The following CERT1 variants were observed in gnomAD, a reference collection of about 807,000 sequenced individuals.
CERT1 encodes ceramide transfer protein.
Under a neutral mutation model 87.9 loss-of-function variants are expected in CERT1, and 31 were observed. The observed-to-expected ratio is 0.35, with a 90% CI of 0.27 to 0.48. CERT1 has a LOEUF of 0.48. Ranked by LOEUF, CERT1 falls within the 20% of genes least tolerant of loss-of-function variation. CERT1 has a pLI of 0.99. For synonymous variants in CERT1, 289 were observed against 250.9 expected, an observed-to-expected ratio of 1.15 and a Z score of -1.44; for missense variants, 487 against 758.0, an observed-to-expected ratio of 0.64 and a Z score of 4.20.
At chr5:75,376,758 C>CT (rs1201480898), downstream of CERT1, 1 of 152,094 alleles carries the variant, frequency 6.6e-6, no homozygotes, top group East Asian at 1.9e-4. Context: ...TTCAAATACC[C>CT]TTTTTCCTGG....
chr5:75,478,549 T>C (rs896975148), intron 2 of CERT1, among the ~76,000 whole-genome samples: 1 of 152,088 alleles, frequency 6.6e-6, no homozygotes, highest in African/African-American at 2.4e-5. Flanking sequence ...TAGATTCCTC[T>C]GAAGCTATAA....
intron 2 of CERT1, 47 bp downstream of exon 2, chr5:75,505,934 GC>G: frequency 6.8e-7 from 1 of 1,479,578 alleles, no homozygotes. Flanking sequence ...CTGGTATGTA[GC>G]TGACACTCAA....
rs983263105 is a variant in CERT1 at position 75,425,267 on chromosome 5, C to T, written c.595+94G>A. 16 of 1,243,202 alleles carry T rather than the reference C, an allele frequency of 1.3e-5. No individual in the cohort carries two copies. The East Asian group carries it at 3.4e-4, about 26-fold the overall frequency. 77.0% of individuals were successfully genotyped at this position (1,243,202 alleles called of 1,614,324 possible). On this transcript the variant is annotated intron_variant, in intron 5 of 16. Coordinates refer to ENST00000643780, the MANE Select transcript of CERT1 (RefSeq NM_001379029.1). ...GTTTGCAGCAAAAAATGACTATAAA[C>T]ACCTTTATCACTTAAAGACATTACC...
At chr5:75,475,746 G>A (rs942941886) in intron 2 of CERT1, among the ~76,000 whole-genome samples, 1 of 151,358 alleles carries the variant, frequency 6.6e-6, no homozygotes, top group Non-Finnish European at 1.5e-5. Flanking sequence ...CTTGGAATCA[G>A]TATATTCATA....
chr5:75,478,823 G>C (rs192023692), intron 2 of CERT1, among the ~76,000 whole-genome samples: 98 of 146,154 alleles, frequency 6.7e-4, no homozygotes, highest in Non-Finnish European at 6.5e-4. Context: ...AGCAAGCAAG[G>C]CTCCTCAGAG....
In CERT1 at chr5:75,430,981, C is replaced by G. The variant is rs570232468; in HGVS notation, c.349-4503G>C. ...CCTTGCATCCAGAAGTTCGAGATAG[C>G]ACTGAGCTAGGATTGTGCCACTGTA... On this transcript the variant is annotated intron_variant, in intron 3 of 16. Coordinates refer to ENST00000643780, the MANE Select transcript of CERT1 (RefSeq NM_001379029.1). Among the ~76,000 whole-genome samples the G allele has an allele frequency of 8.5e-4, 130 of 152,258 alleles. 1 individual carries two copies. The highest frequency in any genetic ancestry group is 2.7e-3 in the South Asian group (13 of 4,822).
intron 3 of CERT1, among the ~76,000 whole-genome samples, chr5:75,444,654 C>G (rs990234931): frequency 6.7e-6 from 1 of 148,970 alleles, no homozygotes; most frequent in Non-Finnish European, 1.5e-5. Flanking sequence ...TCAAGAGATT[C>G]TCCTATCTCA....
chr5:75,426,783 G>A (rs1763636415), intron 3 of CERT1, among the ~76,000 whole-genome samples: 1 of 152,220 alleles, frequency 6.6e-6, no homozygotes, highest in Admixed American at 6.5e-5. Context: ...GCAGGGAAAA[G>A]AAGAATGGGT....
intron 8 of CERT1, among the ~76,000 whole-genome samples, chr5:75,408,895 C>A (rs1180167431): frequency 6.6e-6 from 1 of 151,910 alleles, no homozygotes; most frequent in African/African-American, 2.4e-5. Context: ...TAGCACAAGG[C>A]CCCTCTTCCC....
At chr5:75,383,388 C>T (rs1761663603) in intron 14 of CERT1, among the ~76,000 whole-genome samples, 1 of 152,128 alleles carries the variant, frequency 6.6e-6, no homozygotes, top group South Asian at 2.1e-4. Context: ...TAGCAGAATA[C>T]CTTCAGCAGA....
intron 2 of CERT1, among the ~76,000 whole-genome samples, chr5:75,465,699 T>C (rs774731581): frequency 6.6e-6 from 1 of 152,234 alleles, no homozygotes; most frequent in Non-Finnish European, 1.5e-5. Context: ...CTTCCACTTC[T>C]GGACCCTGTA....
At chr5:75,380,973 T>C (rs993877805) in intron 16 of CERT1, 99 bp downstream of exon 16, 3 of 1,252,900 alleles carry the variant, frequency 2.4e-6, no homozygotes, top group Non-Finnish European at 3.4e-6. Flanking sequence ...AGTAATCTAA[T>C]GGATAAGAAC....
downstream of CERT1, chr5:75,375,085 G>T: frequency 5.4e-6 from 1 of 186,224 alleles, no homozygotes; most frequent in Non-Finnish European, 1.1e-5. Flanking sequence ...AAAAAAAAGG[G>T]CAATATAGGT....
intron 2 of CERT1, among the ~76,000 whole-genome samples, chr5:75,461,823 A>G (rs1408009638): frequency 1.6e-5 from 2 of 122,202 alleles, no homozygotes. Context: ...AACAAAGTGA[A>G]AAAAAAAAAA....
intron 12 of CERT1, among the ~76,000 whole-genome samples, chr5:75,387,467 C>T (rs1761840576): frequency 1.3e-5 from 2 of 151,792 alleles, no homozygotes; most frequent in East Asian, 2.0e-4. Context: ...TCAGGCCAGG[C>T]GCAGTGGCTC....
Position 75,425,420 on chromosome 5 carries a change from T to C in CERT1, c.536A>G (p.Gln179Arg), listed in dbSNP as rs1763572688. 6.2e-7 allele frequency: 1 copy of C among 1,614,118 alleles called. No homozygotes were observed. The highest frequency in any genetic ancestry group is 8.5e-7 in the Non-Finnish European group (1 of 1,179,956). ...ATCAGCACAGGCATCAAAGTACTTC[T>C]GTAGCGTGTCAACTTGTCTACATAA... ...DILCRQVDTLQKYFDACADAV... is the reference protein window; with the variant it reads ...DILCRQVDTLRKYFDACADAV... Residue 179 changes from glutamine to arginine, a missense_variant, in exon 5 of 17, where the codon CAG becomes CGG. Gln to Arg is a conservative substitution (Grantham distance 43). Transcript: ENST00000643780.
rs35875083 is a variant in CERT1 at position 75,381,112 on chromosome 5, G to A, written c.1707C>T (p.Ser569=). ...VSPPEGNQEI[S]RDNILCKITY... Reference sequence around the variant, plus strand: ...TAATCTTGCATAGAATGTTGTCCCTGCTAATTTCCTGGTTTCCCTCTGGTG... The same window carrying A: ...TAATCTTGCATAGAATGTTGTCCCTACTAATTTCCTGGTTTCCCTCTGGTG... Residue 569 remains serine (S), a synonymous_variant, in exon 16 of 17, where the codon AGC becomes AGT. Transcript: ENST00000643780. The A allele has an allele frequency of 1.6e-4, 262 of 1,614,036 alleles. 1 individual carries two copies. In the African/African-American group the frequency reaches 1.9e-3, roughly 12 times the overall value.
rs1350204001 is a variant in CERT1 at position 75,370,999 on chromosome 5, T to C, written c.*10-2341A>G. 2.0e-5 allele frequency: 3 copies of C among 152,272 alleles called. 1 individual carries two copies. The highest frequency in any genetic ancestry group is 4.1e-4 in the South Asian group (2 of 4,820). The allele number at this position is 152,272 out of a possible 1,614,324, so 9.4% of individuals were successfully genotyped here. A position where few individuals can be genotyped will look rare whatever the true frequency, so the allele number is the denominator to read the frequency against. ...AATTTAGGCTGCAACTCAGTAGTTT[T>C]CTTGATCCCTAACTGGGTTACGGGA... is the stretch of plus-strand genomic sequence containing the variant. On this transcript the variant is annotated intron_variant, in intron 17 of 17. Transcript: ENST00000261415.
chr5:75,376,640 A>T (rs1761327619), downstream of CERT1: 6 of 152,372 alleles, frequency 3.9e-5, no homozygotes, highest in South Asian at 1.2e-3. Flanking sequence ...AATTGTCAGC[A>T]CACTGAATGC....
Sources: allele counts gnomAD v4.1 joint callset (sites outside exome capture counted in the v4.1 genomes callset), GRCh38; gene constraint gnomAD v4.1.1; transcripts MANE v1.5; gene names NCBI Gene and HGNC (gene_info 2026-07-23, HGNC 2026-07-21).